Variants in PCDHA3 observed in about 807,000 individuals in gnomAD.
PCDHA3 encodes the protein protocadherin alpha 3, also known as protocadherin alpha-3.
Under a neutral mutation model 62.2 loss-of-function variants are expected in PCDHA3, and 41 were observed. That is an observed-to-expected ratio of 0.66 (90% confidence interval 0.51 to 0.86). The LOEUF is 0.86. Ranked by LOEUF, PCDHA3 falls within the 40% of genes least tolerant of loss-of-function variation. PCDHA3 has a pLI of 0.00. For missense variants in PCDHA3, 1,304 were observed against 1,241.2 expected (o/e 1.05, Z -0.76); for synonymous variants, 640 against 555.4 (o/e 1.15, Z -2.14).
At chr5:140,928,641 G>A in intron 1 of PCDHA3, 1 of 1,614,196 alleles carries the variant, frequency 6.2e-7, no homozygotes, top group Non-Finnish European at 8.5e-7. Context: ...TCACAAAAGT[G>A]GTAGCAGAGG....
chr5:140,821,737 G>T (rs2150110277), intron 1 of PCDHA3: 1 of 1,541,884 alleles, frequency 6.5e-7, no homozygotes, highest in East Asian at 2.3e-5. Flanking sequence ...ACATTGTGTG[G>T]TGATGCAATA....
At chr5:140,979,494 A>C (rs1284874558) in intron 2 of PCDHA3, among the ~76,000 whole-genome samples, 6 of 152,010 alleles carry the variant, frequency 3.9e-5, no homozygotes, top group African/African-American at 1.2e-4. Flanking sequence ...CACCTATTAG[A>C]GCCTCCTCAT....
chr5:140,877,150 G>A (rs370292278), intron 1 of PCDHA3: 11 of 1,613,672 alleles, frequency 6.8e-6, no homozygotes, highest in Admixed American at 3.3e-5. Context: ...GGACGAGAAC[G>A]ACAACGCGCC....
At chr5:140,871,549 T>C (rs1554165727) in intron 1 of PCDHA3, 6 of 1,496,034 alleles carry the variant, frequency 4.0e-6, no homozygotes, top group Non-Finnish European at 5.4e-6. Flanking sequence ...TTATTTAAAA[T>C]CCAGTTTTTT....
intron 1 of PCDHA3, among the ~76,000 whole-genome samples, chr5:140,947,996 T>G (rs185303145): frequency 1.1e-4 from 14 of 126,854 alleles, no homozygotes; most frequent in Non-Finnish European, 2.3e-4. Flanking sequence ...CCAAATACTT[T>G]ATTAAATTTA....
chr5:140,841,746 T>G (rs1562391326), intron 1 of PCDHA3: 2 of 1,613,910 alleles, frequency 1.2e-6, no homozygotes, highest in Non-Finnish European at 1.7e-6. Flanking sequence ...AAGCTGTTTG[T>G]TTCAGAATCC....
In PCDHA3 at chr5:141,010,301, A is replaced by G. The variant is rs1232797660; in HGVS notation, c.*364A>G. On this transcript the variant is annotated 3_prime_UTR_variant, in exon 4 of 4. Coordinates refer to ENST00000522353, the MANE Select transcript of PCDHA3 (RefSeq NM_018906.3). ...TTGATGACACTTGCAGGGCAGGCTG[A>G]AAAGTTTTGAGATTGAGCAGCTTGG... 1 of 1,548,942 alleles carries G rather than the reference A, an allele frequency of 6.5e-7. No individual in the cohort carries two copies. Among genetic ancestry groups the G allele is most frequent in the African/African-American group, 1.4e-5 (1 of 72,848 alleles).
At chr5:140,861,509 G>T in intron 1 of PCDHA3, 1 of 479,910 alleles carries the variant, frequency 2.1e-6, no homozygotes, top group Non-Finnish European at 4.3e-6. Context: ...ACCTCGAGGA[G>T]CTGTGTGGGA....
At chr5:140,929,010 G>A in intron 1 of PCDHA3, 2 of 1,614,128 alleles carry the variant, frequency 1.2e-6, no homozygotes, top group Non-Finnish European at 1.7e-6. Flanking sequence ...TGTGTACCAA[G>A]TTGCACCAGA....
At chr5:140,901,942 T>C (rs1307043698) in intron 1 of PCDHA3, among the ~76,000 whole-genome samples, 4 of 152,128 alleles carry the variant, frequency 2.6e-5, no homozygotes, top group Non-Finnish European at 5.9e-5. Flanking sequence ...TAGGTATATT[T>C]AGTTTTATTC....
chr5:140,836,669 G>T (rs142732506), intron 1 of PCDHA3: 1 of 1,613,470 alleles, frequency 6.2e-7, no homozygotes, highest in African/African-American at 1.3e-5. Context: ...GCTCTGGGGA[G>T]GGCCCACCCA....
rs1484271840 is a variant in PCDHA3 at position 140,900,260 on chromosome 5, A to G, written c.2395-78689A>G. Among the ~76,000 whole-genome samples the G allele has an allele frequency of 4.0e-5, 6 of 151,898 alleles. No homozygotes were observed. In the South Asian group the frequency reaches 1.0e-3, roughly 26 times the overall value. ...TTTTTTTATGGCTGAATAGTACTCC[A>G]TTGTGTATATGTACCACACTTTCTT... On this transcript the variant is annotated intron_variant, in intron 1 of 3. Coordinates refer to ENST00000522353, the MANE Select transcript of PCDHA3 (RefSeq NM_018906.3).
At chr5:140,898,366 A>G (rs1401153740) in intron 1 of PCDHA3, among the ~76,000 whole-genome samples, 1 of 152,132 alleles carries the variant, frequency 6.6e-6, no homozygotes, top group Non-Finnish European at 1.5e-5. Flanking sequence ...TAATTTTTGT[A>G]TAAGGTGTAA....
chr5:140,987,709 T>TATG (rs1359366930), intron 3 of PCDHA3, among the ~76,000 whole-genome samples: 1 of 152,190 alleles, frequency 6.6e-6, no homozygotes, highest in Non-Finnish European at 1.5e-5. Flanking sequence ...TTTTTCCAGG[T>TATG]ATGAGTCTAT....
chr5:140,846,983 T>TC (rs1245867749), intron 1 of PCDHA3, among the ~76,000 whole-genome samples: 3 of 148,244 alleles, frequency 2.0e-5, no homozygotes, highest in African/African-American at 7.4e-5. Context: ...ATAAGTAAGT[T>TC]CCCCCCGGGA....
Position 140,801,675 on chromosome 5 carries a change from G to C in PCDHA3, c.478G>C (p.Ala160Pro). 6 of 1,614,214 alleles carry C rather than the reference G, an allele frequency of 3.7e-6. No individual in the cohort carries two copies. Among genetic ancestry groups the C allele is most frequent in the Non-Finnish European group, 5.1e-6 (6 of 1,180,042 alleles). ...GTTTTCGCTAGAGGGCGCATCAGAT[G>C]CAGATATCGGAACAAATTCGTTGTT... is the stretch of plus-strand genomic sequence containing the variant. ...SRFSLEGASD[A>P]DIGTNSLLTY... The change falls in exon 1 of 4, where the codon GCA (alanine) becomes CCA (proline). Residue 160 changes from alanine to proline, a missense_variant. Ala to Pro is a conservative substitution (Grantham distance 27, BLOSUM62 -1). Transcript: ENST00000522353.
At chr5:141,005,371 T>G (rs35698397) in intron 3 of PCDHA3, among the ~76,000 whole-genome samples, 7,868 of 152,226 alleles carry the variant, frequency 0.052, 247 homozygotes, top group South Asian at 0.11. Flanking sequence ...TAGAATGCCT[T>G]TCCAAGGAGG....
chr5:140,910,055 T>A (rs1554194090), intron 1 of PCDHA3, among the ~76,000 whole-genome samples: 1 of 152,218 alleles, frequency 6.6e-6, no homozygotes, highest in Non-Finnish European at 1.5e-5. Flanking sequence ...TAATAAGTGA[T>A]CTTTTAACAG....
Position 140,828,920 on chromosome 5 carries a change from A to G in PCDHA3, c.2394+25329A>G, listed in dbSNP as rs2150160817. 8.3e-5 allele frequency: 134 copies of G among 1,614,098 alleles called. No homozygotes were observed. Among genetic ancestry groups the G allele is most frequent in the Non-Finnish European group, 1.1e-4 (127 of 1,180,054 alleles). ...TCGGGATGAAGGAGCGAATGGGGCA[A>G]TTTCATATTCTTTTAATAGCCTTGT... On this transcript the variant is annotated intron_variant, in intron 1 of 3. Transcript: ENST00000522353.
Sources: allele counts gnomAD v4.1 joint callset (sites outside exome capture counted in the v4.1 genomes callset), GRCh38; gene constraint gnomAD v4.1.1; transcripts MANE v1.5; gene names NCBI Gene and HGNC (gene_info 2026-07-23, HGNC 2026-07-21).